Variants in WDFY3 observed in about 807,000 individuals in gnomAD.
WDFY3 encodes the protein WD repeat and FYVE domain-containing protein 3.
In WDFY3, 66 loss-of-function variants were observed where a neutral mutation model predicts 409.6. That is an observed-to-expected ratio of 0.16 (90% CI 0.13 to 0.20). The LOEUF (loss-of-function observed/expected upper bound fraction) is 0.20. Ranked by LOEUF, WDFY3 falls within the 10% of genes least tolerant of loss-of-function variation. The pLI is 1.00. For synonymous variants in WDFY3, 1,521 were observed against 1,537.1 expected (o/e 0.99, Z 0.25); for missense variants, 3,031 against 4,298.1 (o/e 0.71, Z 8.24).
intron 15 of WDFY3, chr4:84,804,161 T>G (rs1751123172): frequency 6.6e-6 from 1 of 152,216 alleles, no homozygotes; most frequent in Non-Finnish European, 1.5e-5. Flanking sequence ...ATGTACACAT[T>G]TCTTCTCATC....
intron 2 of WDFY3, among the ~76,000 whole-genome samples, chr4:84,915,620 T>C (rs1253086994): frequency 1.3e-5 from 2 of 152,222 alleles, no homozygotes; most frequent in African/African-American, 2.4e-5. Flanking sequence ...GCCAAGTTCA[T>C]TGCAGACTTG....
intron 55 of WDFY3, among the ~76,000 whole-genome samples, chr4:84,703,371 T>C (rs1731383081): frequency 6.6e-6 from 1 of 152,226 alleles, no homozygotes; most frequent in African/African-American, 2.4e-5. Flanking sequence ...ATCCATCTTC[T>C]TCAGTCAAGC....
At chr4:84,737,468 G>A (rs990535266) in intron 40 of WDFY3, 102 bp from the exon 41 acceptor site, 24 of 1,304,988 alleles carry the variant, frequency 1.8e-5, no homozygotes, top group Non-Finnish European at 2.2e-5. Context: ...TGGGAATTTC[G>A]ACTACAGTAT....
At chr4:84,681,673 C>T (rs1328392898) in intron 64 of WDFY3, among the ~76,000 whole-genome samples, 3 of 152,208 alleles carry the variant, frequency 2.0e-5, no homozygotes, top group Non-Finnish European at 4.4e-5. Context: ...GAAGGTCAAA[C>T]TTCAAACCTT....
chr4:84,849,832 T>G, intron 5 of WDFY3, 70 bp downstream of exon 5: 2 of 1,581,464 alleles, frequency 1.3e-6, no homozygotes, highest in Non-Finnish European at 1.7e-6. Flanking sequence ...CCATTTAATT[T>G]TAATGGGACT....
Position 84,762,844 on chromosome 4 carries a change from G to A in WDFY3, c.5188+2966C>T, listed in dbSNP as rs186632827. Among the ~76,000 whole-genome samples the A allele has an allele frequency of 9.0e-4, 137 of 152,144 alleles. 1 individual carries two copies. The highest frequency in any genetic ancestry group is 3.3e-3 in the African/African-American group (135 of 41,512). On this transcript the variant is annotated intron_variant, in intron 32 of 67. Coordinates refer to ENST00000295888, the MANE Select transcript of WDFY3 (RefSeq NM_014991.6). ...GATTAAACAATGTTTTGAGCTCTAAGAAATCAAAAGGCATCTCAGCTACTC... is the reference window on the plus strand; with the variant it reads ...GATTAAACAATGTTTTGAGCTCTAAAAAATCAAAAGGCATCTCAGCTACTC...
At chr4:84,796,794 T>G (rs1026992041) in intron 18 of WDFY3, 42 bp from the exon 19 acceptor site, 1 of 1,507,518 alleles carries the variant, frequency 6.6e-7, no homozygotes, top group Non-Finnish European at 9.1e-7. Flanking sequence ...TCATATGGAA[T>G]TTCAAAATAA....
intron 1 of WDFY3, among the ~76,000 whole-genome samples, chr4:84,941,858 A>T (rs967378118): frequency 1.3e-5 from 2 of 152,118 alleles, no homozygotes; most frequent in African/African-American, 4.8e-5. Context: ...TTCCAGAAAC[A>T]GATACACACA....
chr4:84,694,024 A>T (rs951368422), intron 58 of WDFY3, among the ~76,000 whole-genome samples: 2 of 152,228 alleles, frequency 1.3e-5, no homozygotes, highest in African/African-American at 4.8e-5. Context: ...ACTTTAAATG[A>T]AATGAGATTT....
chr4:84,879,185 C>G (rs1009666384), intron 3 of WDFY3, among the ~76,000 whole-genome samples: 4 of 152,214 alleles, frequency 2.6e-5, no homozygotes, highest in African/African-American at 9.6e-5. Flanking sequence ...GCTCATACCA[C>G]ATCACCTATC....
At chr4:84,716,235 A>T (rs966098258) in intron 49 of WDFY3, among the ~76,000 whole-genome samples, 4 of 151,406 alleles carry the variant, frequency 2.6e-5, no homozygotes, top group African/African-American at 9.7e-5. Flanking sequence ...CAGGAGATCA[A>T]GACCATCCTG....
rs763585848 is a variant in WDFY3, at chr4:84,733,585, C to T, written c.7018G>A (p.Val2340Met). ...TCGATCTGACACCACTCTTCTGTCA[C>T]GTACTTCAGGGCATTCTGCTGACGC... ...QERQQNALKY[V>M]TEEWCQIECE... The change falls in exon 44 of 68, where the codon GTG (valine) becomes ATG (methionine). Residue 2340 changes from valine to methionine, a missense_variant. Physicochemically the swap from Val to Met is conservative, Grantham distance 21. This residue lies in a region of WDFY3 where 98 missense variants were observed against 194.9 expected (regional missense o/e 0.50). Transcript: ENST00000295888. 1.3e-5 allele frequency: 21 copies of T among 1,613,562 alleles called. No individual in the cohort carries two copies. Among genetic ancestry groups the T allele is most frequent in the Non-Finnish European group, 1.5e-5 (18 of 1,179,828 alleles).
intron 15 of WDFY3, among the ~76,000 whole-genome samples, chr4:84,806,148 A>G (rs1751463906): frequency 6.6e-6 from 1 of 152,204 alleles, no homozygotes; most frequent in Non-Finnish European, 1.5e-5. Context: ...AAAGATGTCT[A>G]TAAGCTGATG....
intron 1 of WDFY3, among the ~76,000 whole-genome samples, chr4:84,937,905 T>C (rs1051251370): frequency 2.0e-5 from 3 of 152,048 alleles, no homozygotes; most frequent in African/African-American, 7.2e-5. Flanking sequence ...GGGTTGGGGG[T>C]TGGATATGTT....
intron 45 of WDFY3, 91 bp downstream of exon 45, chr4:84,726,770 T>C: frequency 9.0e-7 from 1 of 1,110,330 alleles, no homozygotes. Context: ...TTTAAGTTAG[T>C]CTAGTCTACC....
intron 2 of WDFY3, among the ~76,000 whole-genome samples, chr4:84,917,881 T>C (rs1359579974): frequency 6.6e-6 from 1 of 151,984 alleles, no homozygotes; most frequent in African/African-American, 2.4e-5. Context: ...CCAAAACTCC[T>C]AGAGAAAAAT....
chr4:84,715,969 A>T (rs1231055758), intron 49 of WDFY3, among the ~76,000 whole-genome samples: 2 of 151,584 alleles, frequency 1.3e-5, no homozygotes, highest in Non-Finnish European at 2.9e-5. Context: ...GTAAGGATGT[A>T]ATTTTTATAT....
chr4:84,693,664 G>GTC, intron 58 of WDFY3, among the ~76,000 whole-genome samples: 1 of 152,240 alleles, frequency 6.6e-6, no homozygotes, highest in Non-Finnish European at 1.5e-5. Flanking sequence ...TTGGGAGACT[G>GTC]AGGCAGGCGG....
At chr4:84,858,848 G>C (rs1760135667) in intron 4 of WDFY3, among the ~76,000 whole-genome samples, 1 of 151,792 alleles carries the variant, frequency 6.6e-6, no homozygotes, top group African/African-American at 2.4e-5. Flanking sequence ...AAAAAGGGGA[G>C]AAGAAAAAGA....
Sources: gnomAD v4.1 joint callset for allele counts (sites outside exome capture counted in the v4.1 genomes callset) on GRCh38, gnomAD v4.1.1 for gene constraint, gnomAD v4.1.1 regional missense constraint, MANE v1.5 for transcripts, NCBI Gene and HGNC (gene_info 2026-07-23, HGNC 2026-07-21) for gene names.